Variants in ATRX observed in about 807,000 individuals in gnomAD.
ATRX encodes chromatin remodeler ATRX.
A neutral mutation model predicts 172.6 loss-of-function variants in ATRX; 12 were observed. That is an observed-to-expected ratio of 0.07 (90% CI 0.04 to 0.11). The LOEUF (loss-of-function observed/expected upper bound fraction) is 0.11. Ranked by LOEUF, ATRX falls within the 10% of genes least tolerant of loss-of-function variation. The pLI is 1.00. For missense variants in ATRX, 1,368 were observed against 1,767.4 expected (o/e 0.77, Z 4.05); for synonymous variants, 674 against 594.7 (o/e 1.13, Z -1.94).
In ATRX at chrX:77,656,901, T is replaced by C. The variant is rs3761508; in HGVS notation, c.4121-248A>G. ...ATTAAAATATAAGTATTCAATTGTA[T>C]ATGAATTGACAGAATAAGAATAAAT... On this transcript the variant is annotated intron_variant, in intron 12 of 34. Coordinates refer to ENST00000373344, the MANE Select transcript of ATRX (RefSeq NM_000489.6). Among the ~76,000 whole-genome samples the C allele has an allele frequency of 0.037, 4,113 of 111,711 alleles. 77 individuals carry two copies. The highest frequency in any genetic ancestry group is 0.087 in the East Asian group (311 of 3,573).
At chrX:77,597,826 C>T (rs887450996) in intron 25 of ATRX, among the ~76,000 whole-genome samples, 1 of 112,000 alleles carries the variant, frequency 8.9e-6, no homozygotes, top group African/African-American at 3.2e-5. Flanking sequence ...GAAAAGGGAA[C>T]ATTTATGTTG....
At chrX:77,726,813 A>T (rs1424519353) in intron 1 of ATRX, among the ~76,000 whole-genome samples, 2 of 109,117 alleles carry the variant, frequency 1.8e-5, no homozygotes, top group Non-Finnish European at 3.8e-5. Flanking sequence ...ACCAGTTTTA[A>T]ATCCTAATGT....
chrX:77,641,866 A>C (rs782454106), intron 15 of ATRX, among the ~76,000 whole-genome samples: 1 of 111,414 alleles, frequency 9.0e-6, no homozygotes, highest in East Asian at 2.8e-4. Context: ...AAAATAGAAC[A>C]GAAAAAAATT....
At chrX:77,539,590 C>T (rs782449414) in intron 30 of ATRX, among the ~76,000 whole-genome samples, 1 of 109,567 alleles carries the variant, frequency 9.1e-6, no homozygotes, top group African/African-American at 3.3e-5. Context: ...CAAACAGAAA[C>T]GACCACCACA....
At chrX:77,721,999 C>T (rs782692624) in intron 1 of ATRX, among the ~76,000 whole-genome samples, 28 of 110,885 alleles carry the variant, frequency 2.5e-4, no homozygotes, top group African/African-American at 9.2e-4. Context: ...GGAACAGAAC[C>T]GAGGCCTCAG....
chrX:77,646,205 G>A (rs1197649086), intron 15 of ATRX, among the ~76,000 whole-genome samples: 1 of 111,461 alleles, frequency 9.0e-6, no homozygotes, highest in Non-Finnish European at 1.9e-5. Context: ...CCAAATACTG[G>A]TTATCTAAAA....
intron 1 of ATRX, among the ~76,000 whole-genome samples, chrX:77,760,259 C>T (rs868925792): frequency 1.2e-5 from 1 of 82,676 alleles, no homozygotes; most frequent in African/African-American, 4.4e-5. Context: ...AGCAAACAAA[C>T]AAAAAAAAAA....
At chrX:77,601,921 T>C (rs1267989065) in intron 22 of ATRX, among the ~76,000 whole-genome samples, 1 of 112,311 alleles carries the variant, frequency 8.9e-6, no homozygotes, top group Non-Finnish European at 1.9e-5. Flanking sequence ...CTGTTCACAA[T>C]ATTCACTTAT....
intron 1 of ATRX, among the ~76,000 whole-genome samples, chrX:77,720,184 G>A (rs188038939): frequency 1.3e-3 from 141 of 112,076 alleles, no homozygotes; most frequent in African/African-American, 4.5e-3. Context: ...AAAGCAGTGT[G>A]TACAGGGAAA....
At chrX:77,746,340 G>A (rs1362985126) in intron 1 of ATRX, among the ~76,000 whole-genome samples, 1 of 110,964 alleles carries the variant, frequency 9.0e-6, no homozygotes, top group Non-Finnish European at 1.9e-5. Flanking sequence ...ATTCCTTTGA[G>A]AATGTTTAGA....
intron 10 of ATRX, among the ~76,000 whole-genome samples, chrX:77,670,683 A>G (rs909866770): frequency 9.2e-6 from 1 of 108,277 alleles, no homozygotes; most frequent in Admixed American, 1.0e-4. Flanking sequence ...TGTACCCAGG[A>G]GGCGGAGGTT....
intron 2 of ATRX, among the ~76,000 whole-genome samples, chrX:77,702,661 C>T (rs1399883197): frequency 9.1e-6 from 1 of 110,291 alleles, no homozygotes. Flanking sequence ...AATTATAAAA[C>T]GCTATTGAAA....
At chrX:77,783,817 A>G (rs782447753) in intron 1 of ATRX, among the ~76,000 whole-genome samples, 1 of 111,375 alleles carries the variant, frequency 9.0e-6, no homozygotes, top group Non-Finnish European at 1.9e-5. Flanking sequence ...TTCATAGTAA[A>G]TCATCAGGGA....
intron 25 of ATRX, among the ~76,000 whole-genome samples, chrX:77,598,421 C>T (rs2066547546): frequency 9.0e-6 from 1 of 110,894 alleles, no homozygotes; most frequent in African/African-American, 3.3e-5. Flanking sequence ...AGCATATGTA[C>T]CCCCGAATAT....
chrX:77,720,894 T>A (rs781882516), intron 1 of ATRX, among the ~76,000 whole-genome samples: 12 of 111,773 alleles, frequency 1.1e-4, no homozygotes, highest in African/African-American at 3.9e-4. Flanking sequence ...TTCAGGCCAA[T>A]ATCCCTGATG....
At chrX:77,749,785 T>C (rs2075229656) in intron 1 of ATRX, among the ~76,000 whole-genome samples, 2 of 111,391 alleles carry the variant, frequency 1.8e-5, no homozygotes, top group South Asian at 3.8e-4. Context: ...TGACAAAATC[T>C]TGCACTCTCC....
intron 30 of ATRX, among the ~76,000 whole-genome samples, chrX:77,554,704 T>C: frequency 8.9e-6 from 1 of 111,849 alleles, no homozygotes; most frequent in Middle Eastern, 4.6e-3. Context: ...CCAAGTCTGA[T>C]TTTTCTCCCA....
At chrX:77,630,885 T>C (rs1325973489) in intron 19 of ATRX, among the ~76,000 whole-genome samples, 1 of 111,509 alleles carries the variant, frequency 9.0e-6, no homozygotes, top group Admixed American at 9.5e-5. Flanking sequence ...GTAAATTAAA[T>C]GTAATCAAAA....
At chrX:77,702,052 C>A (rs1181425903) in intron 2 of ATRX, among the ~76,000 whole-genome samples, 1 of 110,958 alleles carries the variant, frequency 9.0e-6, no homozygotes, top group Non-Finnish European at 1.9e-5. Context: ...GTCAACAAAG[C>A]GAGACTCTGT....
Sources: allele counts gnomAD v4.1 joint callset (sites outside exome capture counted in the v4.1 genomes callset), GRCh38; gene constraint gnomAD v4.1.1; transcripts MANE v1.5; gene names NCBI Gene and HGNC (gene_info 2026-07-23, HGNC 2026-07-21).